YWHAE: variants seen among roughly 807,000 people sequenced by gnomAD.
YWHAE encodes 14-3-3 protein epsilon.
Under a neutral mutation model 30.1 loss-of-function variants are expected in YWHAE, and 4 were observed. The observed-to-expected ratio is 0.13, with a 90% CI of 0.07 to 0.30. The LOEUF (loss-of-function observed/expected upper bound fraction) is 0.30. Among genes scored for constraint, YWHAE ranks in the 10% least tolerant of loss-of-function variants. YWHAE has a pLI of 1.00. For synonymous variants in YWHAE, 118 were observed against 111.8 expected (o/e 1.06, Z -0.35); for missense variants, 121 against 315.9 (o/e 0.38, Z 4.68).
At chr17:1,390,032 T>G (rs1471128036) in intron 1 of YWHAE, among the ~76,000 whole-genome samples, 2 of 152,048 alleles carry the variant, frequency 1.3e-5, no homozygotes, top group South Asian at 4.1e-4. Flanking sequence ...TTAGTATAGA[T>G]GGGATTTCTC....
chr17:1,370,679 CCTG>C (rs1489727640), intron 1 of YWHAE, among the ~76,000 whole-genome samples: 1 of 152,084 alleles, frequency 6.6e-6, no homozygotes, highest in Non-Finnish European at 1.5e-5. Flanking sequence ...GATCTGCCTA[CCTG>C]CTGTGTTAAC....
At chr17:1,354,552 T>C (rs866579070) in intron 4 of YWHAE, among the ~76,000 whole-genome samples, 4 of 152,348 alleles carry the variant, frequency 2.6e-5, no homozygotes, top group Non-Finnish European at 5.9e-5. Context: ...GCTACTGATA[T>C]GCTATAATAT....
At chr17:1,381,347 T>C (rs1263453227) in intron 1 of YWHAE, among the ~76,000 whole-genome samples, 1 of 151,892 alleles carries the variant, frequency 6.6e-6, no homozygotes, top group African/African-American at 2.4e-5. Flanking sequence ...AAACCCCGAC[T>C]CTACTAAAAA....
At chr17:1,368,579 A>G (rs1348360064) in intron 1 of YWHAE, among the ~76,000 whole-genome samples, 1 of 151,812 alleles carries the variant, frequency 6.6e-6, no homozygotes, top group African/African-American at 2.4e-5. Context: ...AAAAAAAAAA[A>G]AAGTATTACA....
rs56023639 is a variant in YWHAE at position 1,385,144 on chromosome 17, CAAAAA to C, written c.64+14898_64+14902del. Among the ~76,000 whole-genome samples the C allele has an allele frequency of 2.4e-3, 208 of 86,806 alleles. 1 individual carries two copies. Among genetic ancestry groups the C allele is most frequent in the African/African-American group, 7.8e-3 (182 of 23,364 alleles). 56.9% of individuals were successfully genotyped at this position (86,806 alleles called of 152,430 possible). ...TGGGTGACAGGGAAAGACTCTGTCT[CAAAAA>C]AAAAAAAAAAAAAAGTAAAGATAAA... is the stretch of plus-strand genomic sequence containing the variant. On this transcript the variant is annotated intron_variant, in intron 1 of 5. Transcript: ENST00000264335.
intron 1 of YWHAE, chr17:1,398,792 A>T (rs1442481149): frequency 6.6e-6 from 1 of 152,212 alleles, no homozygotes; most frequent in Non-Finnish European, 1.5e-5. Context: ...GACAGACACA[A>T]TGGACATTCG....
chr17:1,394,737 C>T (rs1018038169), intron 1 of YWHAE, among the ~76,000 whole-genome samples: 3 of 151,950 alleles, frequency 2.0e-5, no homozygotes, highest in Non-Finnish European at 2.9e-5. Flanking sequence ...GAGGCTGAGG[C>T]GGGAGGATCA....
chr17:1,392,320 A>C (rs937561196), intron 1 of YWHAE, among the ~76,000 whole-genome samples: 6 of 152,168 alleles, frequency 3.9e-5, no homozygotes, highest in Non-Finnish European at 8.8e-5. Context: ...GGATGCAGTG[A>C]ATCGTTACTG....
intron 1 of YWHAE, among the ~76,000 whole-genome samples, chr17:1,388,367 T>A (rs982637734): frequency 6.6e-6 from 1 of 151,488 alleles, no homozygotes; most frequent in Non-Finnish European, 1.5e-5. Flanking sequence ...ATACAAAAAA[T>A]GAGCCGGGCG....
At chr17:1,381,008 T>G (rs556659635) in intron 1 of YWHAE, among the ~76,000 whole-genome samples, 1 of 152,180 alleles carries the variant, frequency 6.6e-6, no homozygotes, top group Non-Finnish European at 1.5e-5. Context: ...AACTCTTCCA[T>G]AGTAGGTATT....
chr17:1,399,942 G>T, intron 1 of YWHAE, 105 bp downstream of exon 1: 2 of 1,419,596 alleles, frequency 1.4e-6, no homozygotes, highest in Non-Finnish European at 2.0e-6. Flanking sequence ...AAGCCCCCGG[G>T]CCAGGCTCGC....
At chr17:1,386,864 G>C (rs1024742563) in intron 1 of YWHAE, among the ~76,000 whole-genome samples, 1 of 151,950 alleles carries the variant, frequency 6.6e-6, no homozygotes, top group Admixed American at 6.6e-5. Flanking sequence ...TGAGGCAGGA[G>C]AATCACTTGA....
intron 1 of YWHAE, among the ~76,000 whole-genome samples, chr17:1,388,075 GCCA>G (rs1270664375): frequency 7.1e-6 from 1 of 140,452 alleles, no homozygotes; most frequent in African/African-American, 2.7e-5. Flanking sequence ...ACAGGCACGT[GCCA>G]CCACCACGCC....
chr17:1,378,179 C>A (rs1326594439), intron 1 of YWHAE, among the ~76,000 whole-genome samples: 1 of 152,198 alleles, frequency 6.6e-6, no homozygotes, highest in Admixed American at 6.5e-5. Context: ...GGAGTCATCA[C>A]AGAAAATGTA....
At chr17:1,352,310 G>C (rs2072647964) in intron 5 of YWHAE, 1 of 152,108 alleles carries the variant, frequency 6.6e-6, no homozygotes, top group Admixed American at 6.6e-5. Context: ...GTTAAAAGCT[G>C]AGTCACCTAA....
At chr17:1,399,682 A>C in intron 1 of YWHAE, 1 of 425,844 alleles carries the variant, frequency 2.3e-6, no homozygotes, top group Non-Finnish European at 4.3e-6. Context: ...TCCACATCCC[A>C]AGGCCGTCCC....
intron 4 of YWHAE, among the ~76,000 whole-genome samples, chr17:1,354,964 G>GTTTTTTT (rs56351171): frequency 1.9e-4 from 14 of 74,738 alleles, no homozygotes; most frequent in South Asian, 7.2e-4. Context: ...GCCCAGCCTA[G>GTTTTTTT]TTTTTTTTTT....
At chr17:1,351,821 T>TGCCACCC (rs1473613731) in intron 5 of YWHAE, among the ~76,000 whole-genome samples, 2 of 152,136 alleles carry the variant, frequency 1.3e-5, no homozygotes, top group Non-Finnish European at 2.9e-5. Context: ...AGCCTCGCTC[T>TGCCACCC]GCCACCCAGG....
chr17:1,368,882 C>G (rs1334597680), intron 1 of YWHAE, among the ~76,000 whole-genome samples: 2 of 152,170 alleles, frequency 1.3e-5, no homozygotes, highest in African/African-American at 4.8e-5. Context: ...ATATTACATA[C>G]AGAAAAACTA....
Sources: gnomAD v4.1 joint callset for allele counts (sites outside exome capture counted in the v4.1 genomes callset) on GRCh38, gnomAD v4.1.1 for gene constraint, MANE v1.5 for transcripts, NCBI Gene and HGNC (gene_info 2026-07-23, HGNC 2026-07-21) for gene names.